Variants in CACNA2D2 observed in about 807,000 individuals in gnomAD.
The protein encoded by CACNA2D2 is calcium voltage-gated channel auxiliary subunit alpha2delta 2, also known as voltage-dependent calcium channel subunit alpha-2/delta-2.
In CACNA2D2, 48 loss-of-function variants were observed where a neutral mutation model predicts 166.4. The observed-to-expected ratio is 0.29, with a 90% CI of 0.23 to 0.37. CACNA2D2 has a LOEUF of 0.37. Ranked by LOEUF, CACNA2D2 falls within the 10% of genes least tolerant of loss-of-function variation. The pLI is 1.00. For synonymous variants in CACNA2D2, 561 were observed against 573.7 expected (o/e 0.98, Z 0.32); for missense variants, 1,122 against 1,433.0 (o/e 0.78, Z 3.50).
intron 4 of CACNA2D2, among the ~76,000 whole-genome samples, chr3:50,393,840 G>A (rs191600521): frequency 2.3e-4 from 35 of 152,314 alleles, no homozygotes; most frequent in Non-Finnish European, 4.0e-4. Context: ...CTTATCTGGG[G>A]AACACAGGGA....
intron 3 of CACNA2D2, among the ~76,000 whole-genome samples, chr3:50,424,384 A>G (rs554840129): frequency 1.3e-5 from 2 of 152,248 alleles, no homozygotes; most frequent in African/African-American, 4.8e-5. Flanking sequence ...GCATCTGCAC[A>G]TGTGCTCTGT....
At position 50,362,783 on chromosome 3, in the gene CACNA2D2, C is replaced by G. The variant is rs1459123106; in HGVS notation, c.*1883G>C. The G allele has an allele frequency of 2.8e-5, 5 of 175,948 alleles. No individual in the cohort carries two copies. Among genetic ancestry groups the G allele is most frequent in the African/African-American group, 9.4e-5 (4 of 42,454 alleles). 10.9% of individuals were successfully genotyped at this position (175,948 alleles called of 1,614,324 possible). A position where few individuals can be genotyped will look rare whatever the true frequency, so the allele number is the denominator to read the frequency against. Reference sequence around the variant, plus strand: ...CCCAGTCCTCACCCCCAAGCTGATACAGTGGATGGGAACCATTTGAAGTGA... The same window carrying G: ...CCCAGTCCTCACCCCCAAGCTGATAGAGTGGATGGGAACCATTTGAAGTGA... On this transcript the variant is annotated 3_prime_UTR_variant, in exon 38 of 38. Coordinates refer to ENST00000424201, the MANE Select transcript of CACNA2D2 (RefSeq NM_006030.4).
intron 1 of CACNA2D2, among the ~76,000 whole-genome samples, chr3:50,492,979 A>G (rs1156592959): frequency 6.6e-6 from 1 of 152,204 alleles, no homozygotes; most frequent in Non-Finnish European, 1.5e-5. Context: ...CTATGAAAGT[A>G]GGATAAAAAT....
chr3:50,363,373 C>G lies in CACNA2D2; in HGVS notation c.*1293G>C. The G allele has an allele frequency of 2.5e-6, 1 of 398,074 alleles. No homozygotes were observed. The highest frequency in any genetic ancestry group is 4.4e-6 in the Non-Finnish European group (1 of 225,974). The allele number at this position is 398,074 out of a possible 1,614,324, so 24.7% of individuals were successfully genotyped here. On this transcript the variant is annotated 3_prime_UTR_variant, in exon 38 of 38. Transcript: ENST00000424201. ...CATCTGAGCCCCATCACTATATCCC[C>G]TTGCCCTCAGTTCCCCACTGGCCCC...
intron 3 of CACNA2D2, among the ~76,000 whole-genome samples, chr3:50,400,842 T>C (rs1271453975): frequency 6.6e-6 from 1 of 152,272 alleles, no homozygotes; most frequent in Non-Finnish European, 1.5e-5. Flanking sequence ...TTATAGTTTT[T>C]ATTAACTAAT....
intron 4 of CACNA2D2, among the ~76,000 whole-genome samples, chr3:50,388,780 G>A (rs587605445): frequency 1.3e-5 from 2 of 152,322 alleles, no homozygotes; most frequent in African/African-American, 4.8e-5. Flanking sequence ...GTCAGTACCT[G>A]GGACTGTTTC....
At chr3:50,475,591 C>A (rs1042404513) in intron 2 of CACNA2D2, among the ~76,000 whole-genome samples, 5 of 152,174 alleles carry the variant, frequency 3.3e-5, no homozygotes, top group Non-Finnish European at 5.9e-5. Context: ...CAAACATTAA[C>A]ATAATCTCCC....
chr3:50,490,090 G>A (rs540369508), intron 1 of CACNA2D2, among the ~76,000 whole-genome samples: 2 of 152,236 alleles, frequency 1.3e-5, no homozygotes, highest in Admixed American at 6.5e-5. Context: ...TGGAGTGGGC[G>A]GCAGGGCAGA....
intron 2 of CACNA2D2, among the ~76,000 whole-genome samples, chr3:50,447,105 C>T: frequency 6.6e-6 from 1 of 152,140 alleles, no homozygotes; most frequent in East Asian, 1.9e-4. Context: ...GAGCAGCATG[C>T]AAAGGTGAAG....
chr3:50,468,359 A>G (rs975102904), intron 2 of CACNA2D2, among the ~76,000 whole-genome samples: 3 of 148,902 alleles, frequency 2.0e-5, no homozygotes, highest in African/African-American at 7.5e-5. Context: ...CTCTGAAGAG[A>G]ACCAGCAAGT....
chr3:50,377,630 G>T, intron 16 of CACNA2D2, 89 bp from the exon 17 acceptor site: 1 of 1,561,522 alleles, frequency 6.4e-7, no homozygotes, highest in Non-Finnish European at 8.8e-7. Context: ...CTCACAGGCA[G>T]TGTGCAGGCC....
chr3:50,454,229 A>G (rs1174225236), intron 2 of CACNA2D2, among the ~76,000 whole-genome samples: 1 of 152,224 alleles, frequency 6.6e-6, no homozygotes, highest in Non-Finnish European at 1.5e-5. Flanking sequence ...GGAGGGGGCT[A>G]GGAACCGAGT....
intron 1 of CACNA2D2, among the ~76,000 whole-genome samples, chr3:50,493,754 G>A (rs556268673): frequency 4.6e-5 from 7 of 152,332 alleles, no homozygotes; most frequent in South Asian, 2.1e-4. Flanking sequence ...CCCATGACCC[G>A]GCACAGAGCT....
chr3:50,475,805 G>T (rs532131093), intron 2 of CACNA2D2, among the ~76,000 whole-genome samples: 2 of 152,230 alleles, frequency 1.3e-5, no homozygotes, highest in Non-Finnish European at 1.5e-5. Context: ...CCTGGGCCTG[G>T]GCTCCCACCC....
intron 4 of CACNA2D2, among the ~76,000 whole-genome samples, chr3:50,392,186 C>T (rs1361613105): frequency 6.6e-6 from 1 of 152,106 alleles, no homozygotes; most frequent in Non-Finnish European, 1.5e-5. Context: ...AAACAGCATC[C>T]CTTCCCAGCC....
At position 50,366,951 on chromosome 3, in the gene CACNA2D2, A is replaced by C. The variant is rs752794793; in HGVS notation, c.2501-32T>G. The C allele has an allele frequency of 3.1e-6, 5 of 1,613,124 alleles. No homozygotes were observed. The highest frequency in any genetic ancestry group is 4.2e-6 in the Non-Finnish European group (5 of 1,179,462). ...GGGAGAGCAAGGGACCATCAGTGCT[A>C]CCTGCCCAGGCAGTACCCTGTCCAT... On this transcript the variant is annotated intron_variant, in intron 28 of 37. Transcript: ENST00000424201. The surrounding 1 kb of genome is among the most constrained non-coding windows in gnomAD (Gnocchi z 5.9).
intron 2 of CACNA2D2, among the ~76,000 whole-genome samples, chr3:50,446,046 A>G (rs979575725): frequency 3.3e-5 from 5 of 152,228 alleles, no homozygotes; most frequent in Non-Finnish European, 7.3e-5. Context: ...CATGCAAACA[A>G]ACTGTGCAAA....
Position 50,381,258 on chromosome 3 carries a change from T to C in CACNA2D2, c.653-132A>G, listed in dbSNP as rs1705300477. ...TCTCGGCCTATCCAGGCCCTCCCTA[T>C]TTCCTAGGGCCCAGCTGGGGCTGCC... On this transcript the variant is annotated intron_variant, in intron 6 of 37. Coordinates refer to ENST00000424201, the MANE Select transcript of CACNA2D2 (RefSeq NM_006030.4). 5 of 1,036,234 alleles carry C rather than the reference T, an allele frequency of 4.8e-6. No homozygotes were observed. The Admixed American group carries it at 8.2e-5, about 17-fold the overall frequency. 64.2% of individuals were successfully genotyped at this position (1,036,234 alleles called of 1,614,324 possible).
chr3:50,392,865 G>C (rs1705949629), intron 4 of CACNA2D2, among the ~76,000 whole-genome samples: 1 of 152,168 alleles, frequency 6.6e-6, no homozygotes, highest in Admixed American at 6.5e-5. Context: ...TGGGGAAGGG[G>C]GACTGGTTTG....
Sources: gnomAD v4.1 joint callset for allele counts (sites outside exome capture counted in the v4.1 genomes callset) on GRCh38, gnomAD v4.1.1 for gene constraint, Gnocchi (gnomAD v3.1) non-coding constraint, MANE v1.5 for transcripts, NCBI Gene and HGNC (gene_info 2026-07-23, HGNC 2026-07-21) for gene names.